Variants in GPHN observed in about 807,000 individuals in gnomAD.
The protein encoded by GPHN is gephyrin.
GPHN carries 17 observed loss-of-function variants against 95.5 expected under a neutral mutation model. The observed-to-expected ratio is 0.18, with a 90% CI of 0.12 to 0.27. The LOEUF (loss-of-function observed/expected upper bound fraction) is 0.27. Among genes scored for constraint, GPHN ranks in the 10% least tolerant of loss-of-function variants. GPHN has a pLI of 1.00. For synonymous variants in GPHN, 320 were observed against 322.5 expected (o/e 0.99, Z 0.08); for missense variants, 660 against 978.1 (o/e 0.67, Z 4.34).
intron 18 of GPHN, among the ~76,000 whole-genome samples, chr14:67,158,017 G>C (rs779644068): frequency 8.6e-5 from 13 of 151,780 alleles, no homozygotes; most frequent in Non-Finnish European, 1.8e-4. Flanking sequence ...ATATTTAAAA[G>C]ATGATATGGC....
the GPHN span, chr14:67,203,294 G>T: frequency 1.9e-6 from 3 of 1,574,480 alleles, no homozygotes; most frequent in Non-Finnish European, 2.6e-6. Context: ...TGCTCACCAG[G>T]TGAGTTACAA....
chr14:67,714,998 T>C, the GPHN span: 2 of 152,220 alleles, frequency 1.3e-5, no homozygotes, highest in Non-Finnish European at 2.9e-5. Context: ...GCTGAGAGAA[T>C]TAATGTGTTT....
the GPHN span, among the ~76,000 whole-genome samples, chr14:67,410,094 C>T: frequency 6.6e-6 from 1 of 152,074 alleles, no homozygotes; most frequent in Non-Finnish European, 1.5e-5. Context: ...TGTTGACTCT[C>T]CTCATTTTCT....
chr14:67,291,023 A>T, the GPHN span, among the ~76,000 whole-genome samples: 2 of 152,226 alleles, frequency 1.3e-5, no homozygotes, highest in Non-Finnish European at 2.9e-5. Flanking sequence ...CTACAAGAAG[A>T]AGTTTATAAG....
At chr14:67,222,677 GAGGTTGTCTTATAGGCACCTCTTAT>G in the GPHN span, among the ~76,000 whole-genome samples, 6 of 152,142 alleles carry the variant, frequency 3.9e-5, no homozygotes, top group African/African-American at 7.2e-5. Context: ...TTTTAATGTG[GAGGTTGTCTTATAGGCACCTCTTAT>G]AGGTTGTCTT....
chr14:67,284,692 T>G, the GPHN span, among the ~76,000 whole-genome samples: 33 of 151,530 alleles, frequency 2.2e-4, no homozygotes, highest in African/African-American at 7.5e-4. Flanking sequence ...GAATATACTT[T>G]CTTTTTGGAT....
intron 3 of GPHN, among the ~76,000 whole-genome samples, chr14:66,808,871 G>C (rs1401050239): frequency 6.6e-6 from 1 of 152,182 alleles, no homozygotes; most frequent in Non-Finnish European, 1.5e-5. Flanking sequence ...ATTCCAACCA[G>C]AGTGTCAAGG....
chr14:67,718,630 A>G, the GPHN span, among the ~76,000 whole-genome samples: 1 of 152,202 alleles, frequency 6.6e-6, no homozygotes. Flanking sequence ...GTGCTCTGTC[A>G]TCACTGAACT....
intron 8 of GPHN, among the ~76,000 whole-genome samples, chr14:66,946,571 G>T (rs937549211): frequency 5.9e-5 from 9 of 151,986 alleles, no homozygotes; most frequent in African/African-American, 2.2e-4. Flanking sequence ...ACACCTGGCA[G>T]ATTTTTGTAT....
chr14:66,991,909 A>G (rs2071453899), intron 9 of GPHN, among the ~76,000 whole-genome samples: 1 of 151,682 alleles, frequency 6.6e-6, no homozygotes, highest in African/African-American at 2.4e-5. Context: ...AAAAACATAG[A>G]ATAAGATAAT....
chr14:66,921,199 T>G (rs1318406416), intron 6 of GPHN, among the ~76,000 whole-genome samples: 3 of 152,220 alleles, frequency 2.0e-5, no homozygotes, highest in Admixed American at 2.0e-4. Context: ...TTTCACTAGT[T>G]TACATTCCCA....
chr14:67,444,714 C>T, the GPHN span, among the ~76,000 whole-genome samples: 1 of 152,208 alleles, frequency 6.6e-6, no homozygotes, highest in African/African-American at 2.4e-5. Flanking sequence ...AGTCCTCTGT[C>T]CTGACCTCCA....
At chr14:67,238,889 C>A in the GPHN span, among the ~76,000 whole-genome samples, 8 of 152,134 alleles carry the variant, frequency 5.3e-5, no homozygotes, top group Admixed American at 3.9e-4. Context: ...GGGATCCATA[C>A]ACCTTGGCAT....
In GPHN at chr14:66,508,452, AGCGCGCTCCCGGCCC is replaced by A. The variant is rs1429396192; in HGVS notation, c.-66_-52del. 4 of 1,358,950 alleles carry A rather than the reference AGCGCGCTCCCGGCCC, an allele frequency of 2.9e-6. No homozygotes were observed. Among genetic ancestry groups the A allele is most frequent in the Non-Finnish European group, 4.2e-6 (4 of 948,694 alleles). 84.2% of individuals were successfully genotyped at this position (1,358,950 alleles called of 1,614,324 possible). On this transcript the variant is annotated 5_prime_UTR_variant, in exon 1 of 23. Transcript: ENST00000478722. The stretch of plus-strand genomic sequence containing the variant: ...CCTAGCTGTCGCGCTCTCCTCGGCG[AGCGCGCTCCCGGCCC>A]GCGCGCTCCGGGCTCCGGTTTCTCC...
intron 9 of GPHN, among the ~76,000 whole-genome samples, chr14:66,972,859 A>T (rs113073892): frequency 5.3e-5 from 8 of 152,274 alleles, no homozygotes; most frequent in Non-Finnish European, 8.8e-5. Flanking sequence ...TAGAACAGTG[A>T]TTGTTCATAC....
intron 3 of GPHN, among the ~76,000 whole-genome samples, chr14:66,791,373 C>T (rs949129670): frequency 3.1e-4 from 47 of 152,126 alleles, no homozygotes; most frequent in African/African-American, 1.1e-3. Context: ...GAGACAAATC[C>T]ATAAAAAGAG....
chr14:67,695,019 C>A, the GPHN span, among the ~76,000 whole-genome samples: 1 of 152,198 alleles, frequency 6.6e-6, no homozygotes, highest in Non-Finnish European at 1.5e-5. Flanking sequence ...TCTCCCAGCC[C>A]TCACCGCCCC....
intron 2 of GPHN, among the ~76,000 whole-genome samples, chr14:66,708,844 T>G (rs1009953749): frequency 6.6e-6 from 1 of 152,150 alleles, no homozygotes; most frequent in Admixed American, 6.6e-5. Flanking sequence ...TAGCAGCAAG[T>G]ACGGAGCTCA....
At chr14:67,246,808 C>T in the GPHN span, among the ~76,000 whole-genome samples, 31 of 152,156 alleles carry the variant, frequency 2.0e-4, no homozygotes, top group African/African-American at 6.5e-4. Flanking sequence ...CGCACCACCA[C>T]GCCCAGCTAA....
Sources: allele counts gnomAD v4.1 joint callset (sites outside exome capture counted in the v4.1 genomes callset), GRCh38; gene constraint gnomAD v4.1.1; transcripts MANE v1.5; gene names NCBI Gene and HGNC (gene_info 2026-07-23, HGNC 2026-07-21).